The following VPS13D variants were observed in gnomAD, a reference collection of about 807,000 sequenced individuals.
VPS13D encodes vacuolar protein sorting 13 homolog D.
Under a neutral mutation model 461.9 loss-of-function variants are expected in VPS13D, and 187 were observed. The ratio of observed to expected loss-of-function variants is 0.40; its 90% CI spans 0.36 to 0.46. The LOEUF (loss-of-function observed/expected upper bound fraction) is 0.46, where lower values mean the gene tolerates loss of function less well. VPS13D is among the 20% of genes least tolerant of loss of function. The pLI, the probability that VPS13D is intolerant of heterozygous loss-of-function variation, is 0.60. For synonymous variants in VPS13D, 1,951 were observed against 1,986.3 expected (o/e 0.98, Z 0.47); for missense variants, 4,711 against 5,364.9 (o/e 0.88, Z 3.81).
intron 65 of VPS13D, among the ~76,000 whole-genome samples, chr1:12,447,560 A>T (rs923643424): frequency 2.6e-5 from 4 of 152,150 alleles, no homozygotes; most frequent in African/African-American, 9.7e-5. Context: ...TCTAAAACTT[A>T]ATTTATTTAA....
At chr1:12,414,407 C>T (rs1450537727) in intron 63 of VPS13D, among the ~76,000 whole-genome samples, 5 of 152,076 alleles carry the variant, frequency 3.3e-5, no homozygotes, top group Admixed American at 3.3e-4. Context: ...TTGTTTTATT[C>T]TTGCAATGGA....
At chr1:12,330,033 G>A (rs1163474371) in intron 37 of VPS13D, 115 bp downstream of exon 37, 3 of 706,426 alleles carry the variant, frequency 4.2e-6, no homozygotes, top group East Asian at 5.5e-5. Context: ...GGTGGGACGG[G>A]GAAAGATGAA....
At position 12,450,840 on chromosome 1, in the gene VPS13D, C is replaced by T. The variant is rs543067881; in HGVS notation, c.12334-5158C>T. 5.9e-5 allele frequency among the ~76,000 whole-genome samples: 9 copies of T among 152,306 alleles called. No homozygotes were observed. In the South Asian group the frequency reaches 1.7e-3, roughly 28 times the overall value. On this transcript the variant is annotated intron_variant, in intron 65 of 69. Transcript: ENST00000620676. ...GTACTTGGAAGAATATAAAACTTCT[C>T]CATCACACTACGGAGTCCTGCCACT...
In VPS13D at chr1:12,511,879, G is replaced by A. The variant is rs1317461253; in HGVS notation, c.*2855G>A. On this transcript the variant is annotated 3_prime_UTR_variant, in exon 70 of 70. Coordinates refer to ENST00000620676, the MANE Select transcript of VPS13D (RefSeq NM_015378.4). This position sits in a 1 kb window ranked among gnomAD's most constrained non-coding sequence, Gnocchi z 4.5. ...CCACTTTGTTTGTAAGTATGATCTG[G>A]GCCTCAAAATACCATAGTAGCTGCT... The A allele has an allele frequency of 6.6e-6, 1 of 152,144 alleles. No homozygotes were observed. The highest frequency in any genetic ancestry group is 1.9e-4 in the East Asian group (1 of 5,182). 9.4% of individuals were successfully genotyped at this position (152,144 alleles called of 1,614,324 possible).
At chr1:12,443,848 TC>T (rs1234594337) in intron 65 of VPS13D, among the ~76,000 whole-genome samples, 1 of 151,210 alleles carries the variant, frequency 6.6e-6, no homozygotes, top group South Asian at 2.1e-4. Flanking sequence ...GTTTTGTTTT[TC>T]TTTTTTTTTT....
At chr1:12,379,743 A>G (rs1644247422) in intron 57 of VPS13D, 147 bp downstream of exon 57, 1 of 550,356 alleles carries the variant, frequency 1.8e-6, no homozygotes, top group Non-Finnish European at 3.1e-6. Context: ...AGTTAAAAGG[A>G]AGTCAGAGTT....
At chr1:12,316,352 C>A (rs1039984071) in intron 30 of VPS13D, among the ~76,000 whole-genome samples, 1 of 152,108 alleles carries the variant, frequency 6.6e-6, no homozygotes, top group African/African-American at 2.4e-5. Flanking sequence ...GAACGCCTTT[C>A]GTGTCTGAAG....
chr1:12,483,906 G>A (rs1050498211), intron 67 of VPS13D, among the ~76,000 whole-genome samples: 5 of 151,892 alleles, frequency 3.3e-5, no homozygotes, highest in Non-Finnish European at 5.9e-5. Context: ...GCTGAGGCAG[G>A]AGAATCACTT....
chr1:12,484,056 G>A (rs1180032015), intron 67 of VPS13D, among the ~76,000 whole-genome samples: 1 of 151,904 alleles, frequency 6.6e-6, no homozygotes, highest in East Asian at 1.9e-4. Flanking sequence ...GATTATATGT[G>A]GCGTGGCCTA....
Position 12,291,083 on chromosome 1 carries a change from C to A in VPS13D, c.5811C>A (p.Phe1937Leu), listed in dbSNP as rs140944505. The change falls in exon 23 of 70, where the codon TTC (phenylalanine) becomes TTA (leucine). Residue 1937 changes from phenylalanine to leucine, a missense_variant. Physicochemically the swap from Phe to Leu is conservative, Grantham distance 22. Around this residue, in one of 3 missense-constraint regions of VPS13D, gnomAD observed 4,411 missense variants for 4,937.8 expected, o/e 0.89. Coordinates refer to ENST00000620676, the MANE Select transcript of VPS13D (RefSeq NM_015378.4). Reference protein sequence around the residue: ...TCHGEFYRERFTTSGEEALIF... With the variant: ...TCHGEFYRERLTTSGEEALIF... ...ATGGAGAGTTCTACAGAGAACGGTTCACTACCAGTGGTGAAGAAGCACTCA... is the reference window on the plus strand; with the variant it reads ...ATGGAGAGTTCTACAGAGAACGGTTAACTACCAGTGGTGAAGAAGCACTCA... 1.9e-6 allele frequency: 3 copies of A among 1,613,756 alleles called. No homozygotes were observed. In the African/African-American group the frequency reaches 4.0e-5, roughly 22 times the overall value.
At chr1:12,349,486 A>G (rs1305300332) in intron 46 of VPS13D, 112 bp downstream of exon 46, 1 of 1,055,034 alleles carries the variant, frequency 9.5e-7, no homozygotes, top group African/African-American at 1.6e-5. Flanking sequence ...TCTTTATTTA[A>G]ACTCTAAAGT....
chr1:12,252,340 C>T (rs1234876576), intron 6 of VPS13D, among the ~76,000 whole-genome samples: 1 of 152,190 alleles, frequency 6.6e-6, no homozygotes, highest in Non-Finnish European at 1.5e-5. Flanking sequence ...ACCAATACTG[C>T]CCCCACCGCA....
chr1:12,371,553 G>C (rs1011833572), intron 54 of VPS13D, among the ~76,000 whole-genome samples: 4 of 151,942 alleles, frequency 2.6e-5, no homozygotes, highest in East Asian at 3.9e-4. Flanking sequence ...ACCACGCCTG[G>C]CTGATTTTTT....
Position 12,460,951 on chromosome 1 carries a change from A to T in VPS13D, c.12662+555A>T, listed in dbSNP as rs150350700. Among the ~76,000 whole-genome samples, 401 of 152,246 alleles carry T rather than the reference A, an allele frequency of 2.6e-3. 3 individuals carry two copies. The highest frequency in any genetic ancestry group is 9.4e-3 in the African/African-American group (390 of 41,552). On this transcript the variant is annotated intron_variant, in intron 67 of 69. Transcript: ENST00000620676. Reference sequence around the variant, plus strand: ...GAAAAGTGCCACCCCCCATCCCCCCAGCAGGTCAGCAGTTCTGCTGTGGGA... The same window carrying T: ...GAAAAGTGCCACCCCCCATCCCCCCTGCAGGTCAGCAGTTCTGCTGTGGGA...
Position 12,355,988 on chromosome 1 carries a change from G to A in VPS13D, c.9769G>A (p.Val3257Ile), listed in dbSNP as rs749998722. The A allele has an allele frequency of 7.5e-5, 121 of 1,613,404 alleles. No individual in the cohort carries two copies. The South Asian group carries it at 7.7e-4, about 10-fold the overall frequency. The part of the protein sequence containing the change: ...NYMVRMRLYD[V>I]NRRQLNLTIR... ...TATGGTGAGAATGCGACTCTATGAC[G>A]TCAACCGTCGGCAGCTGAACCTCAC... The change falls in exon 48 of 70, where the codon GTC becomes ATC. Residue 3257 changes from valine to isoleucine, a missense_variant. Coordinates refer to ENST00000620676, the MANE Select transcript of VPS13D (RefSeq NM_015378.4).
chr1:12,460,652 A>G (rs902474613), intron 67 of VPS13D, among the ~76,000 whole-genome samples: 2 of 150,230 alleles, frequency 1.3e-5, no homozygotes, highest in South Asian at 4.2e-4. Context: ...GTATGTATAT[A>G]TAGCATATTA....
intron 65 of VPS13D, among the ~76,000 whole-genome samples, chr1:12,446,428 A>C (rs1173532687): frequency 6.6e-6 from 1 of 152,026 alleles, no homozygotes; most frequent in African/African-American, 2.4e-5. Flanking sequence ...AAAAAGAAAA[A>C]AAAAAAAAAG....
chr1:12,392,324 T>C (rs1397494879), intron 60 of VPS13D, among the ~76,000 whole-genome samples: 1 of 151,846 alleles, frequency 6.6e-6, no homozygotes, highest in Admixed American at 6.6e-5. Context: ...CTATTAAAAA[T>C]GCAAAGATTA....
chr1:12,452,480 G>T (rs1645275023), intron 65 of VPS13D, among the ~76,000 whole-genome samples: 1 of 152,234 alleles, frequency 6.6e-6, no homozygotes, highest in Non-Finnish European at 1.5e-5. Context: ...AGCACCACTG[G>T]AATTCCCTCC....
Sources: allele counts gnomAD v4.1 joint callset (sites outside exome capture counted in the v4.1 genomes callset), GRCh38; gene constraint gnomAD v4.1.1; regional missense constraint gnomAD v4.1.1; non-coding constraint Gnocchi (gnomAD v3.1); transcripts MANE v1.5; gene names NCBI Gene and HGNC (gene_info 2026-07-23, HGNC 2026-07-21).